GABRG1: variants seen among roughly 807,000 people sequenced by gnomAD.
The protein encoded by GABRG1 is gamma-aminobutyric acid receptor subunit gamma-1.
In GABRG1, 49 loss-of-function variants were observed where a neutral mutation model predicts 49.8. The observed-to-expected ratio is 0.98, with a 90% CI of 0.78 to 1.25. The LOEUF (loss-of-function observed/expected upper bound fraction) is 1.25, where lower values mean the gene tolerates loss of function less well. Among genes scored for constraint, GABRG1 ranks in the 50% most tolerant of loss-of-function variants. The pLI is 0.00. For missense variants in GABRG1, 552 were observed against 552.3 expected (o/e 1.00, Z 0.01); for synonymous variants, 232 against 185.1 (o/e 1.25, Z -2.06).
intron 1 of GABRG1, among the ~76,000 whole-genome samples, chr4:46,102,756 A>G (rs7690916): frequency 0.51 from 76,733 of 151,350 alleles, 19,822 homozygotes; most frequent in African/African-American, 0.55. Context: ...TGTATGTGGG[A>G]AAAAAACCTT....
chr4:46,058,332 G>T lies in GABRG1; in HGVS notation c.801C>A (p.Ser267Arg), dbSNP rs1310685101. 1 of 1,612,282 alleles carries T rather than the reference G, an allele frequency of 6.2e-7. No homozygotes were observed. The highest frequency in any genetic ancestry group is 8.5e-7 in the Non-Finnish European group (1 of 1,179,288). ...GAATAGTGAAATATCCCATTCTTCT[G>T]CTCAGGTCAAAAAAAATTGTCATGA... ...YVIMTIFFDL[S>R]RRMGYFTIQT... Residue 267 changes from serine (S) to arginine (R), a missense_variant, in exon 7 of 9, where the codon AGC (serine) becomes AGA (arginine). Ser to Arg is a moderately radical substitution (Grantham distance 110). Coordinates refer to ENST00000295452, the MANE Select transcript of GABRG1 (RefSeq NM_173536.4).
intron 1 of GABRG1, among the ~76,000 whole-genome samples, chr4:46,112,895 G>C (rs1030278262): frequency 1.3e-5 from 2 of 150,718 alleles, no homozygotes; most frequent in Admixed American, 1.3e-4. Context: ...ATATACACAG[G>C]TAAAAAATCT....
At chr4:46,089,286 T>C (rs1382698687) in intron 2 of GABRG1, among the ~76,000 whole-genome samples, 3 of 152,080 alleles carry the variant, frequency 2.0e-5, no homozygotes, top group Admixed American at 6.6e-5. Flanking sequence ...CTCCTAACCA[T>C]AAAAGTCATT....
chr4:46,112,437 AG>A (rs1720746137), intron 1 of GABRG1, among the ~76,000 whole-genome samples: 2 of 151,504 alleles, frequency 1.3e-5, no homozygotes, highest in African/African-American at 4.8e-5. Flanking sequence ...GATTTCTCAA[AG>A]AACTTAAAAC....
At chr4:46,062,815 C>T (rs1718753778) in intron 5 of GABRG1, among the ~76,000 whole-genome samples, 2 of 152,146 alleles carry the variant, frequency 1.3e-5, no homozygotes, top group African/African-American at 2.4e-5. Flanking sequence ...GCAAATTCAG[C>T]AAAGTCTCAG....
At chr4:46,080,260 G>A (rs1208763702) in intron 3 of GABRG1, among the ~76,000 whole-genome samples, 1 of 151,694 alleles carries the variant, frequency 6.6e-6, no homozygotes, top group East Asian at 1.9e-4. Flanking sequence ...ACTTAAGGGG[G>A]TGGCACCCTC....
intron 5 of GABRG1, among the ~76,000 whole-genome samples, chr4:46,059,476 C>T (rs968041455): frequency 3.9e-5 from 6 of 151,900 alleles, no homozygotes; most frequent in African/African-American, 1.5e-4. Flanking sequence ...TAATGTCTGC[C>T]GCCCAGGTTC....
At chr4:46,087,732 T>C (rs1719832956) in intron 2 of GABRG1, among the ~76,000 whole-genome samples, 1 of 151,926 alleles carries the variant, frequency 6.6e-6, no homozygotes, top group African/African-American at 2.4e-5. Context: ...CCAGTTTCCC[T>C]AGACTATACA....
intron 1 of GABRG1, among the ~76,000 whole-genome samples, chr4:46,114,812 T>C (rs563351507): frequency 6.6e-6 from 1 of 150,978 alleles, no homozygotes; most frequent in Admixed American, 6.6e-5. Context: ...AACTTTCTGA[T>C]ACCAATACAA....
At chr4:46,108,899 G>T (rs1720639010) in intron 1 of GABRG1, among the ~76,000 whole-genome samples, 1 of 150,930 alleles carries the variant, frequency 6.6e-6, no homozygotes, top group African/African-American at 2.4e-5. Flanking sequence ...TCTCCTTTGG[G>T]TTTCTTTAAT....
intron 3 of GABRG1, among the ~76,000 whole-genome samples, chr4:46,078,568 C>T (rs1447721281): frequency 6.6e-6 from 1 of 151,886 alleles, no homozygotes; most frequent in Non-Finnish European, 1.5e-5. Flanking sequence ...ACCCTAGAAA[C>T]ATGTGTTTCT....
intron 3 of GABRG1, among the ~76,000 whole-genome samples, chr4:46,073,721 G>C (rs570961841): frequency 6.6e-6 from 1 of 152,126 alleles, no homozygotes; most frequent in Non-Finnish European, 1.5e-5. Flanking sequence ...TATATACCAT[G>C]TTTTTTCCTA....
At chr4:46,106,581 C>T (rs1720554290) in intron 1 of GABRG1, among the ~76,000 whole-genome samples, 1 of 151,418 alleles carries the variant, frequency 6.6e-6, no homozygotes. Flanking sequence ...TACATAAACG[C>T]TCATAGCTTG....
intron 3 of GABRG1, among the ~76,000 whole-genome samples, chr4:46,076,563 G>A (rs1719341218): frequency 6.6e-6 from 1 of 151,316 alleles, no homozygotes; most frequent in South Asian, 2.1e-4. Flanking sequence ...ATTTGGAATA[G>A]TGACTTGGAG....
rs142181942 is a variant in GABRG1 at position 46,081,270 on chromosome 4, T to C, written c.321+2716A>G. On this transcript the variant is annotated intron_variant, in intron 3 of 8. Coordinates refer to ENST00000295452, the MANE Select transcript of GABRG1 (RefSeq NM_173536.4). ...AAAGATTTGGCCCCAGCCTCAACTT[T>C]TCCCTGAATCTTAGCCCCTAATTTA... Among the ~76,000 whole-genome samples, 693 of 151,964 alleles carry C rather than the reference T, an allele frequency of 4.6e-3. 2 individuals are homozygous for C. The highest frequency in any genetic ancestry group is 0.016 in the African/African-American group (671 of 41,530).
chr4:46,089,098 G>A (rs761777639), intron 2 of GABRG1, among the ~76,000 whole-genome samples: 11 of 151,874 alleles, frequency 7.2e-5, no homozygotes, highest in Non-Finnish European at 1.2e-4. Context: ...GGTTAGCAGC[G>A]TCTCACAGGT....
At chr4:46,089,943 G>A (rs543583445) in intron 2 of GABRG1, among the ~76,000 whole-genome samples, 2 of 152,132 alleles carry the variant, frequency 1.3e-5, no homozygotes, top group African/African-American at 4.8e-5. Context: ...CAGCCTGGAT[G>A]ACAGCATGAG....
In GABRG1 at chr4:46,069,051, T is replaced by C. The variant is rs547881257; in HGVS notation, c.322-3467A>G. On this transcript the variant is annotated intron_variant, in intron 3 of 8. Transcript: ENST00000295452. ...CTTAATAAAATCAAATAATAATTGATAAGTGTGTAGTGCAGTCTCATTACT... is the reference window on the plus strand; with the variant it reads ...CTTAATAAAATCAAATAATAATTGACAAGTGTGTAGTGCAGTCTCATTACT... Among the ~76,000 whole-genome samples, 3 of 152,190 alleles carry C rather than the reference T, an allele frequency of 2.0e-5. No homozygotes were observed. The South Asian group carries it at 6.2e-4, about 32-fold the overall frequency.
At chr4:46,070,015 C>T (rs1047160274) in intron 3 of GABRG1, among the ~76,000 whole-genome samples, 3 of 151,672 alleles carry the variant, frequency 2.0e-5, no homozygotes, top group Admixed American at 6.6e-5. Context: ...AAGGGCAGGG[C>T]GGGATGGAAA....
Sources: allele counts gnomAD v4.1 joint callset (sites outside exome capture counted in the v4.1 genomes callset), GRCh38; gene constraint gnomAD v4.1.1; transcripts MANE v1.5; gene names NCBI Gene and HGNC (gene_info 2026-07-23, HGNC 2026-07-21).